Variants in GPAM observed in about 807,000 individuals in gnomAD.
The protein encoded by GPAM is glycerol-3-phosphate acyltransferase 1, mitochondrial.
In GPAM, 56 loss-of-function variants were observed where a neutral mutation model predicts 105.0. That is an observed-to-expected ratio of 0.53 (90% CI 0.43 to 0.67). The LOEUF is 0.67. Ranked by LOEUF, GPAM falls within the 30% of genes least tolerant of loss-of-function variation. GPAM has a pLI of 0.00. For synonymous variants in GPAM, 368 were observed against 354.4 expected (o/e 1.04, Z -0.43); for missense variants, 855 against 989.8 (o/e 0.86, Z 1.83).
intron 1 of GPAM, among the ~76,000 whole-genome samples, chr10:112,191,692 G>T (rs1271420566): frequency 6.6e-6 from 1 of 152,154 alleles, no homozygotes; most frequent in Non-Finnish European, 1.5e-5. Context: ...CTCAACTGGG[G>T]CTGGTATCCA....
intron 19 of GPAM, chr10:112,156,282 A>G: frequency 1.8e-6 from 1 of 552,242 alleles, no homozygotes; most frequent in Non-Finnish European, 3.3e-6. Context: ...ATGGTATTTG[A>G]GGCTTGTGTT....
At chr10:112,210,016 C>G (rs953924323) in intron 1 of GPAM, among the ~76,000 whole-genome samples, 2 of 152,068 alleles carry the variant, frequency 1.3e-5, no homozygotes, top group Non-Finnish European at 2.9e-5. Flanking sequence ...GCCTGGAGAG[C>G]CCAGGAGCCG....
At chr10:112,202,986 T>C (rs1473330737) in intron 1 of GPAM, among the ~76,000 whole-genome samples, 5 of 152,168 alleles carry the variant, frequency 3.3e-5, no homozygotes, top group African/African-American at 1.2e-4. Context: ...GGGCTGAACT[T>C]TGAGAAGGTG....
chr10:112,169,495 G>A (rs1847276666), intron 9 of GPAM, among the ~76,000 whole-genome samples: 1 of 152,176 alleles, frequency 6.6e-6, no homozygotes, highest in Non-Finnish European at 1.5e-5. Context: ...AAACAAAAAT[G>A]TGCTTCATTT....
chr10:112,152,281 T>C lies in GPAM; in HGVS notation c.*1269A>G. On this transcript the variant is annotated 3_prime_UTR_variant, in exon 22 of 22. Coordinates refer to ENST00000348367, the MANE Select transcript of GPAM (RefSeq NM_001244949.2). ...ATTTAAAAAATCACCATAATTACCA[T>C]AATAAACCAATAATTATGCTCCCTG... 1 of 982,126 alleles carries C rather than the reference T, an allele frequency of 1.0e-6. No individual in the cohort carries two copies. Among genetic ancestry groups the C allele is most frequent in the Non-Finnish European group, 1.2e-6 (1 of 826,938 alleles). The allele number at this position is 982,126 out of a possible 1,614,324, so 60.8% of individuals were successfully genotyped here.
Position 112,151,269 on chromosome 10 carries a change from T to C in GPAM, c.*2281A>G, listed in dbSNP as rs1252767900. 34 of 985,704 alleles carry C rather than the reference T, an allele frequency of 3.4e-5. No homozygotes were observed. The highest frequency in any genetic ancestry group is 8.7e-5 in the African/African-American group (5 of 57,258). The allele number at this position is 985,704 out of a possible 1,614,324, so 61.1% of individuals were successfully genotyped here. A position where few individuals can be genotyped will look rare whatever the true frequency, so the allele number is the denominator to read the frequency against. ...CATCACTGTTGGAAAACAATGAGAA[T>C]GTATCTTTTAGCAAAACGGTGCTAT... On this transcript the variant is annotated 3_prime_UTR_variant, in exon 22 of 22. Transcript: ENST00000348367.
chr10:112,185,858 C>T (rs1847590385), upstream of GPAM, among the ~76,000 whole-genome samples: 1 of 151,610 alleles, frequency 6.6e-6, no homozygotes. Context: ...AAGAAAAATA[C>T]TGAAAGTAAA....
chr10:112,164,416 G>C, intron 13 of GPAM, 109 bp downstream of exon 13: 2 of 711,848 alleles, frequency 2.8e-6, no homozygotes. Context: ...AGTTACTTAA[G>C]AAGTGAAAAT....
chr10:112,221,984 C>T, the GPAM span, among the ~76,000 whole-genome samples: 1 of 152,172 alleles, frequency 6.6e-6, no homozygotes, highest in African/African-American at 2.4e-5. Context: ...CATCCTTATC[C>T]TTCAGAGATA....
chr10:112,211,582 ATTTG>A (rs984455060), intron 1 of GPAM, among the ~76,000 whole-genome samples: 8 of 152,058 alleles, frequency 5.3e-5, no homozygotes, highest in African/African-American at 1.9e-4. Context: ...GGACTGAGCT[ATTTG>A]TTTGTGTGAT....
chr10:112,195,430 C>A (rs866872317), intron 1 of GPAM, among the ~76,000 whole-genome samples: 1 of 152,206 alleles, frequency 6.6e-6, no homozygotes, highest in African/African-American at 2.4e-5. Flanking sequence ...CCCACGAAAG[C>A]CAGGCTCTGC....
At chr10:112,220,439 CAT>C in the GPAM span, among the ~76,000 whole-genome samples, 658 of 150,546 alleles carry the variant, frequency 4.4e-3, no homozygotes, top group Admixed American at 7.5e-3. Flanking sequence ...GAGCCATACT[CAT>C]ATATAACTGT....
chr10:112,160,275 C>T lies in GPAM; in HGVS notation c.1760-222G>A, dbSNP rs139622959. 7.7e-4 allele frequency: 391 copies of T among 508,518 alleles called. 1 individual carries two copies. The highest frequency in any genetic ancestry group is 7.4e-3 in the African/African-American group (356 of 48,210). The allele number at this position is 508,518 out of a possible 1,614,324, so 31.5% of individuals were successfully genotyped here. ...ACATAAGCCCCCTCTTCTCTCCTTC[C>T]TCTCTTTTCTCTTAATCACAAATGA... On this transcript the variant is annotated intron_variant, in intron 16 of 21. Transcript: ENST00000348367.
chr10:112,154,939 G>A, intron 20 of GPAM: 1 of 563,512 alleles, frequency 1.8e-6, no homozygotes, highest in Admixed American at 3.0e-5. Context: ...AAAAGAGGGT[G>A]TAGAGAGAGA....
At chr10:112,165,172 G>C (rs1350947932) in intron 12 of GPAM, among the ~76,000 whole-genome samples, 1 of 152,164 alleles carries the variant, frequency 6.6e-6, no homozygotes, top group East Asian at 1.9e-4. Flanking sequence ...TAGAATAAAA[G>C]GAGAGGCGGG....
chr10:112,175,808 A>G, intron 5 of GPAM, 95 bp from the exon 6 acceptor site: 1 of 756,678 alleles, frequency 1.3e-6, no homozygotes. Context: ...AACAAAGCCT[A>G]ATGTCATCTC....
chr10:112,149,871 C>A lies in GPAM; in HGVS notation c.*3679G>T. 1.0e-6 allele frequency: 1 copy of A among 958,114 alleles called. No individual in the cohort carries two copies. The highest frequency in any genetic ancestry group is 1.2e-6 in the Non-Finnish European group (1 of 804,650). The allele number at this position is 958,114 out of a possible 1,614,324, so 59.4% of individuals were successfully genotyped here. Reference sequence around the variant, plus strand: ...AAATCAAACACATCAAGAGTATGTTCAATTTTTGGTTTATTAAAACAAAAC... The same window carrying A: ...AAATCAAACACATCAAGAGTATGTTAAATTTTTGGTTTATTAAAACAAAAC... On this transcript the variant is annotated 3_prime_UTR_variant, in exon 22 of 22. Transcript: ENST00000348367.
rs1337692822 is a variant in GPAM, at chr10:112,160,875, A to G, written c.1495-7T>C. ...ATGTGGAGAGATCAATTCCCTAAAG[A>G]AAGATGGAAACGGTATCATGATGGT... On this transcript the variant is annotated splice_polypyrimidine_tract_variant and splice_region_variant and intron_variant, in intron 15 of 21. Coordinates refer to ENST00000348367, the MANE Select transcript of GPAM (RefSeq NM_001244949.2). The G allele has an allele frequency of 6.2e-7, 1 of 1,612,486 alleles. No individual in the cohort carries two copies. The highest frequency in any genetic ancestry group is 1.7e-5 in the Admixed American group (1 of 60,024).
At chr10:112,187,887 A>G (rs1847613928), upstream of GPAM, among the ~76,000 whole-genome samples, 1 of 152,158 alleles carries the variant, frequency 6.6e-6, no homozygotes, top group African/African-American at 2.4e-5. Context: ...GAAACCACTA[A>G]CTTAAAGGTA....
Sources: allele counts gnomAD v4.1 joint callset (sites outside exome capture counted in the v4.1 genomes callset), GRCh38; gene constraint gnomAD v4.1.1; transcripts MANE v1.5; gene names NCBI Gene and HGNC (gene_info 2026-07-23, HGNC 2026-07-21).